Variants in P2RY14 observed in about 807,000 individuals in gnomAD.
The protein encoded by P2RY14 is P2Y purinoceptor 14.
Under a neutral mutation model 0.9 loss-of-function variants are expected in P2RY14, and 2 were observed. The observed-to-expected ratio is 2.16, with a 90% CI of 0.88 to 6.79. The LOEUF is 6.79. P2RY14 is among the 30% of genes most tolerant of loss of function. The pLI is 0.05. For missense variants in P2RY14, 378 were observed against 400.1 expected (o/e 0.94, Z 0.47); for synonymous variants, 158 against 147.2 (o/e 1.07, Z -0.53).
In P2RY14 at chr3:151,230,176, G is replaced by A. The variant is rs375052339; in HGVS notation, c.-132-10534C>T. On this transcript the variant is annotated intron_variant, in intron 1 of 2. Transcript: ENST00000309170. Reference sequence around the variant, plus strand: ...TTTTTAGTAGAGACGGGATTTCACCGTGTTAGCCAGGATTGTCTTGATCTC... The same window carrying A: ...TTTTTAGTAGAGACGGGATTTCACCATGTTAGCCAGGATTGTCTTGATCTC... Among the ~76,000 whole-genome samples the A allele has an allele frequency of 3.8e-4, 58 of 151,976 alleles. 1 individual carries two copies. The highest frequency in any genetic ancestry group is 9.4e-4 in the African/African-American group (39 of 41,462).
At chr3:151,223,080 G>GTAA (rs1729711753) in intron 1 of P2RY14, among the ~76,000 whole-genome samples, 2 of 150,628 alleles carry the variant, frequency 1.3e-5, no homozygotes, top group South Asian at 4.2e-4. Context: ...TCTGCATGGA[G>GTAA]TAATAATCTC....
At chr3:151,278,021 C>T (rs536879484) in intron 1 of P2RY14, among the ~76,000 whole-genome samples, 5 of 152,292 alleles carry the variant, frequency 3.3e-5, no homozygotes, top group African/African-American at 1.2e-4. Flanking sequence ...GATATCTCTT[C>T]ATCACAGATA....
chr3:151,252,141 A>G (rs1377434078), intron 1 of P2RY14, among the ~76,000 whole-genome samples: 1 of 152,024 alleles, frequency 6.6e-6, no homozygotes, highest in Non-Finnish European at 1.5e-5. Context: ...GGATAAACTC[A>G]CCTTCCTGTG....
At chr3:151,243,671 T>C (rs865836373) in intron 1 of P2RY14, among the ~76,000 whole-genome samples, 6 of 151,758 alleles carry the variant, frequency 4.0e-5, no homozygotes, top group Non-Finnish European at 7.4e-5. Flanking sequence ...CATGCCAAAA[T>C]GTAAAGACCA....
At position 151,213,522 on chromosome 3, in the gene P2RY14, G is replaced by A. The variant is rs755518330; in HGVS notation, c.795C>T (p.Tyr265=). The change falls in exon 3 of 3, where the codon TAC becomes TAT. Residue 265 remains tyrosine, a synonymous_variant. Transcript: ENST00000309170. ...GCAAGATTTCTTTTGACTGGCAGCT[G>A]TAATGAGCTTCGGTCTGACTCTTTG... The part of the protein sequence containing the change: ...PYTKSQTEAH[Y]SCQSKEILRY... 1 of 1,614,146 alleles carries A rather than the reference G, an allele frequency of 6.2e-7. No individual in the cohort carries two copies. Among genetic ancestry groups the A allele is most frequent in the East Asian group, 2.2e-5 (1 of 44,884 alleles).
intron 1 of P2RY14, among the ~76,000 whole-genome samples, chr3:151,275,381 G>A (rs1016058991): frequency 6.6e-6 from 1 of 152,120 alleles, no homozygotes; most frequent in African/African-American, 2.4e-5. Context: ...TTTGAATGAT[G>A]AGGGGTCAGA....
At chr3:151,220,091 A>G (rs749630491) in intron 1 of P2RY14, among the ~76,000 whole-genome samples, 11 of 148,464 alleles carry the variant, frequency 7.4e-5, no homozygotes, top group Non-Finnish European at 1.3e-4. Flanking sequence ...GCATTGTAAG[A>G]TGTTTAGCAG....
chr3:151,277,414 A>G (rs1325649264), intron 1 of P2RY14, among the ~76,000 whole-genome samples: 1 of 152,054 alleles, frequency 6.6e-6, no homozygotes, highest in Non-Finnish European at 1.5e-5. Context: ...CTTAATGGCT[A>G]GGTTTTTTTT....
At chr3:151,222,707 A>G (rs952270153) in intron 1 of P2RY14, among the ~76,000 whole-genome samples, 1 of 152,226 alleles carries the variant, frequency 6.6e-6, no homozygotes, top group Non-Finnish European at 1.5e-5. Flanking sequence ...CAGCAGTGTG[A>G]AAATGGACTA....
chr3:151,247,782 A>T (rs1234161538), intron 1 of P2RY14, among the ~76,000 whole-genome samples: 5 of 151,836 alleles, frequency 3.3e-5, no homozygotes, highest in African/African-American at 1.2e-4. Flanking sequence ...AGCAAAAAAA[A>T]AATGAATTAG....
intron 1 of P2RY14, among the ~76,000 whole-genome samples, chr3:151,230,780 A>T (rs1731511747): frequency 6.6e-6 from 1 of 152,200 alleles, no homozygotes; most frequent in Non-Finnish European, 1.5e-5. Context: ...AAACTTGCTC[A>T]AGCCATTTTT....
At chr3:151,241,174 T>TG (rs1447086016) in intron 1 of P2RY14, among the ~76,000 whole-genome samples, 10 of 152,232 alleles carry the variant, frequency 6.6e-5, no homozygotes, top group Non-Finnish European at 1.0e-4. Flanking sequence ...CCTTGCCCTT[T>TG]GGCATCTGGG....
rs75538431 is a variant in P2RY14 at position 151,275,874 on chromosome 3, T to C, written c.-133+2413A>G. Among the ~76,000 whole-genome samples the C allele has an allele frequency of 1.3e-3, 202 of 152,234 alleles. 3 individuals carry two copies. The highest frequency in any genetic ancestry group is 0.013 in the East Asian group (67 of 5,174). On this transcript the variant is annotated intron_variant, in intron 1 of 2. Transcript: ENST00000309170. The stretch of plus-strand genomic sequence containing the variant: ...TTATCTAGCTGTGCTGCTCAGACTT[T>C]TAGGAGGCAATGCATCTTTTAGTAT...
intron 1 of P2RY14, among the ~76,000 whole-genome samples, chr3:151,245,799 G>C (rs1455344073): frequency 6.9e-6 from 1 of 145,914 alleles, no homozygotes; most frequent in Non-Finnish European, 1.5e-5. Context: ...GAAATAAAGG[G>C]TATTCAATTA....
intron 1 of P2RY14, among the ~76,000 whole-genome samples, chr3:151,251,298 T>TA (rs1736806253): frequency 6.6e-6 from 1 of 152,164 alleles, no homozygotes. Context: ...TTTGTGATAA[T>TA]ACCATCTACC....
intron 1 of P2RY14, among the ~76,000 whole-genome samples, chr3:151,246,508 C>T (rs1362127620): frequency 6.6e-6 from 1 of 152,048 alleles, no homozygotes; most frequent in Non-Finnish European, 1.5e-5. Context: ...CTGAGAAAAA[C>T]AAGCAATGGG....
intron 2 of P2RY14, among the ~76,000 whole-genome samples, chr3:151,216,175 G>A (rs1728180606): frequency 6.6e-6 from 1 of 152,052 alleles, no homozygotes; most frequent in South Asian, 2.1e-4. Context: ...ATAATATTTA[G>A]GGCATTAGAT....
At chr3:151,226,788 A>G (rs1259301499) in intron 1 of P2RY14, among the ~76,000 whole-genome samples, 8 of 152,212 alleles carry the variant, frequency 5.3e-5, no homozygotes. Context: ...TTCTAAAAGT[A>G]TTTAAAATGA....
intron 1 of P2RY14, chr3:151,269,538 A>C (rs1740491164): frequency 3.3e-6 from 1 of 303,952 alleles, no homozygotes; most frequent in Non-Finnish European, 6.4e-6. Context: ...AGAGGTCAAA[A>C]TTGATTGCCC....
Sources: allele counts gnomAD v4.1 joint callset (sites outside exome capture counted in the v4.1 genomes callset), GRCh38; gene constraint gnomAD v4.1.1; transcripts MANE v1.5; gene names NCBI Gene and HGNC (gene_info 2026-07-23, HGNC 2026-07-21).